Variants in ANKRD46 observed in about 807,000 individuals in gnomAD.
ANKRD46 encodes the protein ankyrin repeat domain-containing protein 46.
Under a neutral mutation model 19.8 loss-of-function variants are expected in ANKRD46, and 13 were observed. The observed-to-expected ratio is 0.66, with a 90% CI of 0.43 to 1.04. The LOEUF (loss-of-function observed/expected upper bound fraction) is 1.04. Ranked by LOEUF, ANKRD46 falls within the 50% of genes least tolerant of loss-of-function variation. The pLI is 0.00. For missense variants in ANKRD46, 185 were observed against 274.8 expected (o/e 0.67, Z 2.31); for synonymous variants, 91 against 106.9 (o/e 0.85, Z 0.92).
chr8:100,551,060 T>C (rs1812378026), intron 1 of ANKRD46: 1 of 511,686 alleles, frequency 2.0e-6, no homozygotes, highest in Admixed American at 2.2e-5. Context: ...AGCTCGGGGA[T>C]GGCCTTGCCC....
chr8:100,558,206 G>C (rs571739374), intron 1 of ANKRD46, among the ~76,000 whole-genome samples: 3 of 152,272 alleles, frequency 2.0e-5, no homozygotes, highest in African/African-American at 7.2e-5. Flanking sequence ...TTTTGATAAA[G>C]AACTGTGAGA....
In ANKRD46 at chr8:100,529,958, C is replaced by G. The variant is rs1269278616; in HGVS notation, c.-27-98G>C. On this transcript the variant is annotated intron_variant, in intron 2 of 4. Coordinates refer to ENST00000335659, the MANE Select transcript of ANKRD46 (RefSeq NM_001270377.2). The surrounding 1 kb of genome is among the most constrained non-coding windows in gnomAD (Gnocchi z 5.8). Reference sequence around the variant, plus strand: ...AATATTTCTCATCCTTTTTGGCCTCCTGCCTCTAATAAATAAATGACCAAA... The same window carrying G: ...AATATTTCTCATCCTTTTTGGCCTCGTGCCTCTAATAAATAAATGACCAAA... The G allele has an allele frequency of 1.2e-6, 1 of 847,642 alleles. No individual in the cohort carries two copies. Among genetic ancestry groups the G allele is most frequent in the Non-Finnish European group, 1.8e-6 (1 of 565,014 alleles). The allele number at this position is 847,642 out of a possible 1,614,324, so 52.5% of individuals were successfully genotyped here.
chr8:100,552,451 A>C (rs1812413455), intron 1 of ANKRD46, among the ~76,000 whole-genome samples: 1 of 151,992 alleles, frequency 6.6e-6, no homozygotes, highest in Non-Finnish European at 1.5e-5. Flanking sequence ...TTGACTGAAA[A>C]TCAACTATGT....
In ANKRD46 at chr8:100,522,272, T is replaced by C; in HGVS notation, c.*283A>G. 3 of 1,197,102 alleles carry C rather than the reference T, an allele frequency of 2.5e-6. No homozygotes were observed. The highest frequency in any genetic ancestry group is 2.5e-5 in the South Asian group (1 of 39,638). The allele number at this position is 1,197,102 out of a possible 1,614,324, so 74.2% of individuals were successfully genotyped here. A position where few individuals can be genotyped will look rare whatever the true frequency, so the allele number is the denominator to read the frequency against. The stretch of plus-strand genomic sequence containing the variant: ...TCCTAGCTTCTTCCTTTATCTTCCA[T>C]TCTCTAGTCACTTCCGTGTTTTTAT... On this transcript the variant is annotated 3_prime_UTR_variant, in exon 5 of 5. Transcript: ENST00000335659.
At chr8:100,515,030 G>C (rs1309952184) in intron 5 of ANKRD46, among the ~76,000 whole-genome samples, 2 of 152,138 alleles carry the variant, frequency 1.3e-5, no homozygotes, top group Non-Finnish European at 2.9e-5. Context: ...ATATTGAAGA[G>C]CTTAATTAAT....
rs1257267268 is a variant in ANKRD46 at position 100,544,932 on chromosome 8, T to C, written c.-130-11621A>G. On this transcript the variant is annotated intron_variant, in intron 1 of 4. Transcript: ENST00000335659. The surrounding 1 kb of genome is among the most constrained non-coding windows in gnomAD (Gnocchi z 4.4). ...GAACAAGCAGAGAAGCCCAAGGAGATAATAACAGTATTGTACACTGGCACA... is the reference window on the plus strand; with the variant it reads ...GAACAAGCAGAGAAGCCCAAGGAGACAATAACAGTATTGTACACTGGCACA... 6.6e-6 allele frequency among the ~76,000 whole-genome samples: 1 copy of C among 152,122 alleles called. No homozygotes were observed. Among genetic ancestry groups the C allele is most frequent in the Non-Finnish European group, 1.5e-5 (1 of 68,020 alleles).
chr8:100,555,896 A>G (rs189084533), intron 1 of ANKRD46, among the ~76,000 whole-genome samples: 173 of 152,292 alleles, frequency 1.1e-3, no homozygotes, highest in Middle Eastern at 3.4e-3. Context: ...TGTATTTGCT[A>G]TGGAAAAGGC....
chr8:100,531,928 T>G (rs562842308), intron 2 of ANKRD46, among the ~76,000 whole-genome samples: 1 of 152,142 alleles, frequency 6.6e-6, no homozygotes, highest in Non-Finnish European at 1.5e-5. Flanking sequence ...GATCAATCAT[T>G]AGGTCATTGC....
chr8:100,527,604 G>A lies in ANKRD46; in HGVS notation c.470+241C>T, dbSNP rs1393530667. ...TCTCAATTGTAATCTGCAGTCATAA[G>A]GTCCTATATAAAGTTCAAGTTGCAC... On this transcript the variant is annotated intron_variant, in intron 4 of 4. Transcript: ENST00000335659. This position sits in a 1 kb window ranked among gnomAD's most constrained non-coding sequence, Gnocchi z 4.0. Among the ~76,000 whole-genome samples the A allele has an allele frequency of 1.3e-5, 2 of 152,094 alleles. No homozygotes were observed. The highest frequency in any genetic ancestry group is 4.8e-5 in the African/African-American group (2 of 41,408).
chr8:100,551,040 C>G, intron 1 of ANKRD46: 1 of 512,938 alleles, frequency 1.9e-6, no homozygotes, highest in Non-Finnish European at 3.8e-6. Flanking sequence ...TGCTAGTGAG[C>G]TTCCTGTTCA....
intron 1 of ANKRD46, among the ~76,000 whole-genome samples, chr8:100,554,392 G>A (rs1050665919): frequency 2.6e-5 from 4 of 152,128 alleles, no homozygotes; most frequent in Admixed American, 2.6e-4. Context: ...GTTTACATTG[G>A]TAATTCTAAT....
chr8:100,553,511 G>A (rs904776936), intron 1 of ANKRD46, among the ~76,000 whole-genome samples: 11 of 152,136 alleles, frequency 7.2e-5, no homozygotes, highest in African/African-American at 2.7e-4. Context: ...CTAGCACTTT[G>A]GGAGGCCACA....
downstream of ANKRD46, among the ~76,000 whole-genome samples, chr8:100,518,327 A>C (rs2130633462): frequency 6.6e-6 from 1 of 152,370 alleles, no homozygotes; most frequent in African/African-American, 2.4e-5. Context: ...TTATAATAAA[A>C]TGTATATTTC....
intron 1 of ANKRD46, among the ~76,000 whole-genome samples, chr8:100,558,282 C>G (rs1812540080): frequency 6.6e-6 from 1 of 152,200 alleles, no homozygotes; most frequent in Non-Finnish European, 1.5e-5. Flanking sequence ...ACTTCACATC[C>G]TCTCTCCAGT....
chr8:100,543,661 C>T lies in ANKRD46; in HGVS notation c.-130-10350G>A, dbSNP rs1812218388. On this transcript the variant is annotated intron_variant, in intron 1 of 4. Coordinates refer to ENST00000335659, the MANE Select transcript of ANKRD46 (RefSeq NM_001270377.2). The surrounding 1 kb of genome is among the most constrained non-coding windows in gnomAD (Gnocchi z 4.2). Reference sequence around the variant, plus strand: ...AAATAAATTACACTCTCAGGATTGACGAGCTTTGGATTTGGGGAAATGAAC... The same window carrying T: ...AAATAAATTACACTCTCAGGATTGATGAGCTTTGGATTTGGGGAAATGAAC... Among the ~76,000 whole-genome samples the T allele has an allele frequency of 6.6e-6, 1 of 152,128 alleles. No homozygotes were observed. The highest frequency in any genetic ancestry group is 2.4e-5 in the African/African-American group (1 of 41,504).
At position 100,536,213 on chromosome 8, in the gene ANKRD46, G is replaced by A. The variant is rs1586791179; in HGVS notation, c.-130-2902C>T. ...TCAAGATTCACTGAGGACTGAGTCT[G>A]TGCCCCTGTGAATGGATGTGAAACC... On this transcript the variant is annotated intron_variant, in intron 1 of 4. Transcript: ENST00000335659. The surrounding 1 kb of genome is among the most constrained non-coding windows in gnomAD (Gnocchi z 4.9). Among the ~76,000 whole-genome samples, 1 of 152,156 alleles carries A rather than the reference G, an allele frequency of 6.6e-6. No individual in the cohort carries two copies. Among genetic ancestry groups the A allele is most frequent in the African/African-American group, 2.4e-5 (1 of 41,434 alleles).
At chr8:100,535,515 C>A (rs1812048140) in intron 1 of ANKRD46, among the ~76,000 whole-genome samples, 1 of 152,154 alleles carries the variant, frequency 6.6e-6, no homozygotes, top group Non-Finnish European at 1.5e-5. Context: ...CATGAAAAAT[C>A]TCTCATATGT....
At chr8:100,512,095 A>G (rs1406158621) in intron 5 of ANKRD46, among the ~76,000 whole-genome samples, 2 of 152,264 alleles carry the variant, frequency 1.3e-5, no homozygotes, top group African/African-American at 4.8e-5. Context: ...GCTCTGCCAC[A>G]TAACTCTGGA....
intron 1 of ANKRD46, among the ~76,000 whole-genome samples, chr8:100,547,065 T>TTTGGAC (rs1272615178): frequency 6.6e-6 from 1 of 152,208 alleles, no homozygotes; most frequent in Non-Finnish European, 1.5e-5. Context: ...CAGATGAGAC[T>TTTGGAC]TTGGACTTGG....
Sources: allele counts gnomAD v4.1 joint callset (sites outside exome capture counted in the v4.1 genomes callset), GRCh38; gene constraint gnomAD v4.1.1; non-coding constraint Gnocchi (gnomAD v3.1); transcripts MANE v1.5; gene names NCBI Gene and HGNC (gene_info 2026-07-23, HGNC 2026-07-21).